Variants in QTMAN observed in about 807,000 individuals in gnomAD.
QTMAN encodes queuosine-tRNA mannosyltransferase.
chr2:144,033,259 C>T, the QTMAN span, among the ~76,000 whole-genome samples: 2 of 152,184 alleles, frequency 1.3e-5, no homozygotes. Context: ...ACTTTAGATG[C>T]CAAGTCTGAG....
At chr2:144,261,976 C>T in the QTMAN span, among the ~76,000 whole-genome samples, 1 of 151,708 alleles carries the variant, frequency 6.6e-6, no homozygotes, top group African/African-American at 2.4e-5. Flanking sequence ...CTCTCCACAC[C>T]CAGAGTAAAA....
chr2:144,088,477 A>G, the QTMAN span, among the ~76,000 whole-genome samples: 1 of 152,096 alleles, frequency 6.6e-6, no homozygotes, highest in African/African-American at 2.4e-5. Context: ...ACAATTCTAA[A>G]TTTATATGGA....
the QTMAN span, among the ~76,000 whole-genome samples, chr2:144,246,579 C>CAAA: frequency 5.7e-3 from 268 of 46,928 alleles, 6 homozygotes; most frequent in African/African-American, 0.02. Context: ...GACTCCGTCT[C>CAAA]AAAAAAAAAA....
the QTMAN span, among the ~76,000 whole-genome samples, chr2:144,305,982 T>G: frequency 1.3e-5 from 2 of 152,246 alleles, no homozygotes; most frequent in Non-Finnish European, 2.9e-5. Flanking sequence ...TAGAAGATCA[T>G]GTCATCTACA....
chr2:144,253,854 G>C, the QTMAN span, among the ~76,000 whole-genome samples: 1 of 152,142 alleles, frequency 6.6e-6, no homozygotes, highest in African/African-American at 2.4e-5. Context: ...CCAAGACAGG[G>C]GAAAATGTCT....
At chr2:144,071,069 A>G in the QTMAN span, among the ~76,000 whole-genome samples, 2 of 152,226 alleles carry the variant, frequency 1.3e-5, no homozygotes, top group African/African-American at 4.8e-5. Context: ...GCTTAAAGCT[A>G]TATAGTTTCA....
chr2:144,246,695 T>C, the QTMAN span, among the ~76,000 whole-genome samples: 1 of 151,718 alleles, frequency 6.6e-6, no homozygotes, highest in Non-Finnish European at 1.5e-5. Flanking sequence ...CACACTCTCC[T>C]CACATGGACA....
the QTMAN span, chr2:143,943,171 T>C: frequency 6.6e-6 from 1 of 152,230 alleles, no homozygotes; most frequent in South Asian, 2.1e-4. Context: ...CATGTCTGTA[T>C]CTTTGAGCAG....
At chr2:144,220,780 A>C in the QTMAN span, among the ~76,000 whole-genome samples, 2 of 152,178 alleles carry the variant, frequency 1.3e-5, no homozygotes, top group Admixed American at 1.3e-4. Flanking sequence ...TTTTAGAGAG[A>C]ATTTATAACT....
the QTMAN span, among the ~76,000 whole-genome samples, chr2:144,031,140 A>G: frequency 2.0e-5 from 3 of 152,000 alleles, no homozygotes; most frequent in African/African-American, 7.2e-5. Flanking sequence ...TCTAAAACCT[A>G]TTTCCAAAGA....
At chr2:143,957,671 G>A in the QTMAN span, among the ~76,000 whole-genome samples, 4 of 152,090 alleles carry the variant, frequency 2.6e-5, no homozygotes, top group South Asian at 4.1e-4. Flanking sequence ...TAAGCTAATG[G>A]AGATAAAATT....
the QTMAN span, among the ~76,000 whole-genome samples, chr2:143,948,526 G>A: frequency 6.6e-6 from 1 of 151,950 alleles, no homozygotes; most frequent in Non-Finnish European, 1.5e-5. Context: ...CTGTCAGTCT[G>A]GATAATGTCT....
the QTMAN span, among the ~76,000 whole-genome samples, chr2:144,232,633 T>G: frequency 2.6e-5 from 4 of 152,184 alleles, no homozygotes; most frequent in Non-Finnish European, 5.9e-5. Context: ...TAAAAACATA[T>G]TCTGACTATT....
chr2:144,105,396 G>C, the QTMAN span, among the ~76,000 whole-genome samples: 1 of 152,174 alleles, frequency 6.6e-6, no homozygotes. Flanking sequence ...AACCAGTGTA[G>C]AGAAGTCCTT....
the QTMAN span, among the ~76,000 whole-genome samples, chr2:144,268,566 C>G: frequency 6.6e-6 from 1 of 152,172 alleles, no homozygotes; most frequent in Admixed American, 6.5e-5. Context: ...TCTGCTAGCA[C>G]TTTGATCTTG....
chr2:144,149,192 A>C, the QTMAN span, among the ~76,000 whole-genome samples: 1 of 151,902 alleles, frequency 6.6e-6, no homozygotes, highest in Admixed American at 6.6e-5. Context: ...TTAACCAATA[A>C]ATCCTAACAA....
chr2:143,943,445 T>A, the QTMAN span: 3 of 152,256 alleles, frequency 2.0e-5, no homozygotes, highest in African/African-American at 7.2e-5. Flanking sequence ...ACAGTGTATG[T>A]CAGCATTAAA....
the QTMAN span, among the ~76,000 whole-genome samples, chr2:144,032,630 T>G: frequency 6.6e-6 from 1 of 152,286 alleles, no homozygotes; most frequent in Non-Finnish European, 1.5e-5. Flanking sequence ...GGATGTGGTT[T>G]GGTAACAGAC....
chr2:144,312,714 G>A, the QTMAN span, among the ~76,000 whole-genome samples: 1 of 152,160 alleles, frequency 6.6e-6, no homozygotes, highest in South Asian at 2.1e-4. Flanking sequence ...GGAGGTAACT[G>A]GATCACTGGG....
Sources: allele counts gnomAD v4.1 joint callset (sites outside exome capture counted in the v4.1 genomes callset), GRCh38; gene constraint gnomAD v4.1.1; transcripts MANE v1.5; gene names NCBI Gene and HGNC (gene_info 2026-07-23, HGNC 2026-07-21).